Variants in THSD4 observed in about 807,000 individuals in gnomAD.
The protein encoded by THSD4 is thrombospondin type-1 domain-containing protein 4.
A neutral mutation model predicts 119.0 loss-of-function variants in THSD4; 69 were observed. The ratio of observed to expected loss-of-function variants is 0.58; its 90% CI spans 0.48 to 0.71. The LOEUF is 0.71. THSD4 is among the 30% of genes least tolerant of loss of function. The probability of loss-of-function intolerance (pLI) is 0.00; values close to 1 mark genes in which losing one functional copy is unlikely to be tolerated. For missense variants in THSD4, 1,393 were observed against 1,391.1 expected (o/e 1.00, Z -0.02); for synonymous variants, 524 against 540.4 (o/e 0.97, Z 0.42).
chr15:71,279,098 T>C (rs2044623235), intron 6 of THSD4, among the ~76,000 whole-genome samples: 1 of 152,164 alleles, frequency 6.6e-6, no homozygotes, highest in South Asian at 2.1e-4. Flanking sequence ...TATTATGAGA[T>C]GTTCTGCTGT....
chr15:71,753,058 A>G (rs1203330869), intron 14 of THSD4, among the ~76,000 whole-genome samples: 3 of 152,242 alleles, frequency 2.0e-5, no homozygotes, highest in Non-Finnish European at 4.4e-5. Context: ...AAAGTTCGCA[A>G]ACACTTAAGA....
chr15:71,599,088 C>T (rs560835242), intron 7 of THSD4, among the ~76,000 whole-genome samples: 3 of 152,122 alleles, frequency 2.0e-5, no homozygotes, highest in Non-Finnish European at 4.4e-5. Flanking sequence ...GGTAGGACCA[C>T]TTGACAAACC....
chr15:71,543,938 G>T (rs2048799141), intron 7 of THSD4, among the ~76,000 whole-genome samples: 1 of 152,204 alleles, frequency 6.6e-6, no homozygotes, highest in Admixed American at 6.5e-5. Context: ...TGAGGCAGGA[G>T]AATTGTTTGA....
chr15:71,292,944 G>T (rs1230706948), intron 6 of THSD4, among the ~76,000 whole-genome samples: 1 of 152,108 alleles, frequency 6.6e-6, no homozygotes, highest in Non-Finnish European at 1.5e-5. Context: ...CCAAAGTGCT[G>T]GGATTACGGG....
At chr15:71,241,967 A>G (rs2044157176) in intron 4 of THSD4, among the ~76,000 whole-genome samples, 2 of 152,170 alleles carry the variant, frequency 1.3e-5, no homozygotes, top group African/African-American at 4.8e-5. Context: ...GTGACCCAAG[A>G]CAATTCTTCT....
intron 17 of THSD4, among the ~76,000 whole-genome samples, chr15:71,776,813 G>A (rs1043110991): frequency 6.6e-6 from 1 of 152,124 alleles, no homozygotes; most frequent in African/African-American, 2.4e-5. Context: ...TGAATGAATC[G>A]CACAAATTCA....
intron 7 of THSD4, among the ~76,000 whole-genome samples, chr15:71,600,983 G>A (rs183534541): frequency 2.0e-5 from 3 of 152,078 alleles, no homozygotes; most frequent in Non-Finnish European, 2.9e-5. Flanking sequence ...CTGACCCCAG[G>A]TGATCCACCC....
chr15:71,622,895 T>C (rs2050442978), intron 7 of THSD4, among the ~76,000 whole-genome samples: 1 of 152,128 alleles, frequency 6.6e-6, no homozygotes, highest in South Asian at 2.1e-4. Flanking sequence ...ATTTGTTCAA[T>C]GGGATCTACA....
At chr15:71,621,527 A>G (rs138431069) in intron 7 of THSD4, among the ~76,000 whole-genome samples, 34 of 152,340 alleles carry the variant, frequency 2.2e-4, no homozygotes, top group Admixed American at 7.8e-4. Context: ...GGGATGACAT[A>G]GTAATATTGT....
chr15:71,516,462 A>C (rs541134440), intron 7 of THSD4, among the ~76,000 whole-genome samples: 33 of 152,326 alleles, frequency 2.2e-4, no homozygotes, highest in African/African-American at 7.5e-4. Flanking sequence ...CTTCTATGAC[A>C]ATTGAAAAAT....
At chr15:71,219,354 A>G (rs1044153072) in intron 4 of THSD4, among the ~76,000 whole-genome samples, 3 of 152,326 alleles carry the variant, frequency 2.0e-5, no homozygotes, top group Admixed American at 6.5e-5. Flanking sequence ...TCAAGTTTCC[A>G]TGGAAAAGAT....
chr15:71,649,893 C>G (rs941762006), intron 7 of THSD4, among the ~76,000 whole-genome samples: 1 of 152,196 alleles, frequency 6.6e-6, no homozygotes, highest in Non-Finnish European at 1.5e-5. Flanking sequence ...ATTTGCTCTT[C>G]AACCATTTCC....
intron 7 of THSD4, among the ~76,000 whole-genome samples, chr15:71,612,676 A>T (rs1317840389): frequency 6.6e-6 from 1 of 152,204 alleles, no homozygotes; most frequent in Non-Finnish European, 1.5e-5. Flanking sequence ...CATGTCTGCT[A>T]TGCCTTCTGA....
chr15:71,167,670 A>G (rs1420571250), intron 3 of THSD4, among the ~76,000 whole-genome samples: 1 of 152,232 alleles, frequency 6.6e-6, no homozygotes, highest in Non-Finnish European at 1.5e-5. Flanking sequence ...ATCTACTCAC[A>G]ATCTTTAGCA....
chr15:71,447,983 G>A (rs987911465), intron 7 of THSD4, among the ~76,000 whole-genome samples: 3 of 152,160 alleles, frequency 2.0e-5, no homozygotes, highest in Non-Finnish European at 4.4e-5. Flanking sequence ...TTTTCCTCTG[G>A]TAAACAGTAG....
At chr15:71,157,442 A>AT (rs200066529) in intron 3 of THSD4, among the ~76,000 whole-genome samples, 7,291 of 150,958 alleles carry the variant, frequency 0.048, 249 homozygotes, top group African/African-American at 0.096. Flanking sequence ...TGCATTTATC[A>AT]TTTTTTTTTG....
chr15:71,512,403 C>T (rs1302096308), intron 7 of THSD4, among the ~76,000 whole-genome samples: 1 of 152,186 alleles, frequency 6.6e-6, no homozygotes, highest in Non-Finnish European at 1.5e-5. Context: ...AGCCCGGCAG[C>T]GTTTTCCTGT....
intron 6 of THSD4, among the ~76,000 whole-genome samples, chr15:71,409,097 C>T (rs4421934): frequency 0.5 from 76,322 of 151,242 alleles, 19,773 homozygotes; most frequent in East Asian, 0.73. Context: ...CTCTGGGTTC[C>T]TTTCTTGTGG....
chr15:71,171,955 A>G (rs2043369372), intron 3 of THSD4, among the ~76,000 whole-genome samples: 1 of 152,212 alleles, frequency 6.6e-6, no homozygotes, highest in African/African-American at 2.4e-5. Flanking sequence ...TGGTAAGTTA[A>G]AGATGTAAGT....
Sources: gnomAD v4.1 joint callset for allele counts (sites outside exome capture counted in the v4.1 genomes callset) on GRCh38, gnomAD v4.1.1 for gene constraint, MANE v1.5 for transcripts, NCBI Gene and HGNC (gene_info 2026-07-23, HGNC 2026-07-21) for gene names.